PCDHA8: variants seen among roughly 807,000 people sequenced by gnomAD.
The protein encoded by PCDHA8 is protocadherin alpha 8, also known as protocadherin alpha-8.
In PCDHA8, 53 loss-of-function variants were observed where a neutral mutation model predicts 61.8. The ratio of observed to expected loss-of-function variants is 0.86; its 90% CI spans 0.69 to 1.08. PCDHA8 has a LOEUF of 1.08. Ranked by LOEUF, PCDHA8 falls within the 50% of genes least tolerant of loss-of-function variation. The pLI, the probability that PCDHA8 is intolerant of heterozygous loss-of-function variation, is 0.00. For missense variants in PCDHA8, 1,293 were observed against 1,245.0 expected (o/e 1.04, Z -0.58); for synonymous variants, 618 against 556.6 (o/e 1.11, Z -1.55).
At chr5:140,975,552 G>A (rs1416724640) in intron 1 of PCDHA8, among the ~76,000 whole-genome samples, 1 of 152,200 alleles carries the variant, frequency 6.6e-6, no homozygotes, top group Non-Finnish European at 1.5e-5. Flanking sequence ...CTATTAGGAA[G>A]GAAAAGGAGA....
intron 1 of PCDHA8, chr5:140,860,225 A>ATATATATATGT (rs2046281831): frequency 6.6e-6 from 1 of 151,528 alleles, no homozygotes; most frequent in Non-Finnish European, 1.5e-5. Context: ...ATGTATATAT[A>ATATATATATGT]AGCCAGGCAT....
chr5:140,982,772 A>T (rs144366377), intron 3 of PCDHA8, among the ~76,000 whole-genome samples: 67 of 152,052 alleles, frequency 4.4e-4, no homozygotes, highest in African/African-American at 1.5e-3. Context: ...TAACAAGGAA[A>T]GTGTGTGTGC....
At chr5:140,929,508 A>T in intron 1 of PCDHA8, 1 of 831,408 alleles carries the variant, frequency 1.2e-6, no homozygotes, top group Non-Finnish European at 1.7e-6. Context: ...CCTAGGCCTC[A>T]AGGGACTTAT....
At chr5:140,967,518 A>T (rs1554229639) in intron 1 of PCDHA8, 1 of 1,612,930 alleles carries the variant, frequency 6.2e-7, no homozygotes, top group Non-Finnish European at 8.5e-7. Flanking sequence ...CTGGACACTA[A>T]CGACAACTCT....
intron 1 of PCDHA8, among the ~76,000 whole-genome samples, chr5:140,898,007 A>G (rs1477147548): frequency 2.3e-4 from 35 of 152,100 alleles, no homozygotes; most frequent in African/African-American, 8.5e-4. Context: ...GTGTCTGTTC[A>G]TATCCTTTGC....
intron 3 of PCDHA8, among the ~76,000 whole-genome samples, chr5:140,994,753 G>A (rs143791883): frequency 1.1e-4 from 16 of 152,252 alleles, no homozygotes; most frequent in African/African-American, 3.9e-4. Context: ...AGTAGGATGT[G>A]GAGAGGAAGA....
Position 140,862,212 on chromosome 5 carries a change from G to T in PCDHA8, c.2394+18497G>T, listed in dbSNP as rs2047258044. ...TTCCCCAATGTTTGATCACTGCACA[G>T]ACTTGATAGAAGTCTTGGACATCAA... On this transcript the variant is annotated intron_variant, in intron 1 of 3. Transcript: ENST00000531613. The T allele has an allele frequency of 2.0e-5, 4 of 203,790 alleles. No homozygotes were observed. In the South Asian group the frequency reaches 4.0e-4, roughly 20 times the overall value. The allele number at this position is 203,790 out of a possible 1,614,324, so 12.6% of individuals were successfully genotyped here.
intron 1 of PCDHA8, among the ~76,000 whole-genome samples, chr5:140,891,246 AT>A (rs1213637493): frequency 2.0e-5 from 3 of 151,650 alleles, no homozygotes; most frequent in Non-Finnish European, 4.4e-5. Flanking sequence ...ATTCAGTAGG[AT>A]TTTTTTTAAT....
chr5:140,998,569 GT>G (rs71574497), intron 3 of PCDHA8, among the ~76,000 whole-genome samples: 30,440 of 149,318 alleles, frequency 0.2, 3,131 homozygotes, highest in Middle Eastern at 0.33. Flanking sequence ...TTGTAAATAA[GT>G]TTTTTTTTTT....
chr5:140,871,420 C>G (rs1193380487), intron 1 of PCDHA8: 1 of 1,613,620 alleles, frequency 6.2e-7, no homozygotes, highest in Non-Finnish European at 8.5e-7. Context: ...GGCCTTCAGC[C>G]CCAGTCTTCC....
Position 140,902,287 on chromosome 5 carries a change from C to T in PCDHA8, c.2394+58572C>T, listed in dbSNP as rs150308530. Among the ~76,000 whole-genome samples the T allele has an allele frequency of 1.9e-3, 280 of 150,946 alleles. 2 individuals are homozygous for T. The highest frequency in any genetic ancestry group is 6.5e-3 in the African/African-American group (266 of 41,018). ...TCCTGGGCTCAAGCAATCCTCCTGC[C>T]TCAGCCTCCCAAAGTGCTGGGATTA... is the stretch of plus-strand genomic sequence containing the variant. On this transcript the variant is annotated intron_variant, in intron 1 of 3. Transcript: ENST00000531613.
At chr5:140,876,395 T>G in intron 1 of PCDHA8, 1 of 1,613,920 alleles carries the variant, frequency 6.2e-7, no homozygotes, top group Non-Finnish European at 8.5e-7. Flanking sequence ...TATGGTGAAC[T>G]GGATTTTGAA....
intron 1 of PCDHA8, chr5:140,877,683 C>T: frequency 6.2e-7 from 1 of 1,613,716 alleles, no homozygotes. Flanking sequence ...CGGGCAAGCC[C>T]ACGCTGGTGT....
intron 3 of PCDHA8, among the ~76,000 whole-genome samples, chr5:140,989,792 C>T (rs1324674581): frequency 6.6e-6 from 1 of 152,142 alleles, no homozygotes; most frequent in African/African-American, 2.4e-5. Flanking sequence ...CTAGAGGCCC[C>T]CAGGAAAGGG....
intron 1 of PCDHA8, chr5:140,881,303 C>A: frequency 2.1e-6 from 2 of 962,604 alleles, no homozygotes; most frequent in Non-Finnish European, 2.5e-6. Flanking sequence ...GAAACTTTAA[C>A]CTCCTGGTTA....
rs782007386 is a variant in PCDHA8 at position 140,856,148 on chromosome 5, G to A, written c.2394+12433G>A. 6.9e-6 allele frequency: 11 copies of A among 1,598,220 alleles called. No homozygotes were observed. In the East Asian group the frequency reaches 2.0e-4, roughly 29 times the overall value. ...GGGGAGCGGCCAGCTCCACTACTCA[G>A]TCTACGAGGAGGCCAGACACGGCAC... On this transcript the variant is annotated intron_variant, in intron 1 of 3. Transcript: ENST00000531613.
intron 1 of PCDHA8, chr5:140,929,120 A>G (rs781922658): frequency 6.2e-7 from 1 of 1,614,062 alleles, no homozygotes; most frequent in East Asian, 2.2e-5. Flanking sequence ...GCCACCATAG[A>G]TGTCACTACA....
intron 1 of PCDHA8, chr5:140,968,020 C>T: frequency 1.2e-6 from 2 of 1,614,202 alleles, no homozygotes; most frequent in Non-Finnish European, 1.7e-6. Flanking sequence ...TTGGAAACTC[C>T]TATACACTGG....
intron 1 of PCDHA8, among the ~76,000 whole-genome samples, chr5:140,893,642 T>C (rs1479834135): frequency 1.3e-5 from 2 of 152,230 alleles, no homozygotes; most frequent in African/African-American, 2.4e-5. Context: ...TATAGTATTT[T>C]TGGCTGATAG....
Sources: gnomAD v4.1 joint callset for allele counts (sites outside exome capture counted in the v4.1 genomes callset) on GRCh38, gnomAD v4.1.1 for gene constraint, MANE v1.5 for transcripts, NCBI Gene and HGNC (gene_info 2026-07-23, HGNC 2026-07-21) for gene names.